The following ZNF287 variants were observed in gnomAD, a reference collection of about 807,000 sequenced individuals.
ZNF287 encodes zinc finger protein 287, also known as zinc finger protein with KRAB and SCAN domains 13.
A neutral mutation model predicts 73.7 loss-of-function variants in ZNF287; 31 were observed. The ratio of observed to expected loss-of-function variants is 0.42; its 90% confidence interval spans 0.32 to 0.57. The LOEUF (loss-of-function observed/expected upper bound fraction) is 0.57, where lower values mean the gene tolerates loss of function less well. ZNF287 is among the 20% of genes least tolerant of loss of function. ZNF287 has a pLI of 0.13. For synonymous variants in ZNF287, 301 were observed against 307.2 expected (o/e 0.98, Z 0.21); for missense variants, 641 against 909.3 (o/e 0.70, Z 3.79).
Position 16,551,739 on chromosome 17 carries a change from G to T in ZNF287, c.*117C>A. 2 of 1,082,862 alleles carry T rather than the reference G, an allele frequency of 1.8e-6. No individual in the cohort carries two copies. Among genetic ancestry groups the T allele is most frequent in the Non-Finnish European group, 2.7e-6 (2 of 748,766 alleles). 67.1% of individuals were successfully genotyped at this position (1,082,862 alleles called of 1,614,324 possible). Reference sequence around the variant, plus strand: ...CCATACCACTACTTCTGATACTTCTGCTGAGTATCTAACATATTGCACTTC... The same window carrying T: ...CCATACCACTACTTCTGATACTTCTTCTGAGTATCTAACATATTGCACTTC... On this transcript the variant is annotated 3_prime_UTR_variant, in exon 6 of 6. Coordinates refer to ENST00000395825, the MANE Select transcript of ZNF287 (RefSeq NM_020653.4).
chr17:16,567,872 G>C lies in ZNF287; in HGVS notation c.-141C>G, dbSNP rs919109874. 2.1e-5 allele frequency: 30 copies of C among 1,444,804 alleles called. 1 individual carries two copies. In the African/African-American group the frequency reaches 4.3e-4, roughly 21 times the overall value. The allele number at this position is 1,444,804 out of a possible 1,614,324, so 89.5% of individuals were successfully genotyped here. On this transcript the variant is annotated 5_prime_UTR_variant, in exon 2 of 6. Transcript: ENST00000395825. ...GAGGGCAGAACAGAATCAAGGTAGAGTTAGCAGCCTTAGTGACAAATTCTG... is the reference window on the plus strand; with the variant it reads ...GAGGGCAGAACAGAATCAAGGTAGACTTAGCAGCCTTAGTGACAAATTCTG...
intron 5 of ZNF287, among the ~76,000 whole-genome samples, chr17:16,556,276 A>T (rs970305414): frequency 5.9e-5 from 9 of 152,184 alleles, no homozygotes; most frequent in Admixed American, 3.9e-4. Context: ...TGAATTTACA[A>T]ATTACTTTTT....
At chr17:16,567,025 G>A (rs1193692383) in intron 2 of ZNF287, among the ~76,000 whole-genome samples, 1 of 152,074 alleles carries the variant, frequency 6.6e-6, no homozygotes, top group Non-Finnish European at 1.5e-5. Flanking sequence ...TACTTTCTGA[G>A]GGCTCACACA....
In ZNF287 at chr17:16,551,679, T is replaced by C. The variant is rs1042527280; in HGVS notation, c.*177A>G. 3 of 577,928 alleles carry C rather than the reference T, an allele frequency of 5.2e-6. No homozygotes were observed. Among genetic ancestry groups the C allele is most frequent in the Non-Finnish European group, 5.6e-6 (2 of 354,034 alleles). 35.8% of individuals were successfully genotyped at this position (577,928 alleles called of 1,614,324 possible). On this transcript the variant is annotated 3_prime_UTR_variant, in exon 6 of 6. Coordinates refer to ENST00000395825, the MANE Select transcript of ZNF287 (RefSeq NM_020653.4). ...TTAAGGTTAAGAAGTCAAGTTTCCT[T>C]CTTAAATTTCACATTAAATCTAAAT...
At chr17:16,565,915 AG>A (rs1907716669) in intron 3 of ZNF287, among the ~76,000 whole-genome samples, 1 of 152,188 alleles carries the variant, frequency 6.6e-6, no homozygotes, top group African/African-American at 2.4e-5. Context: ...TGAACCCAGG[AG>A]GTGGAGGCTG....
chr17:16,563,110 A>T, intron 5 of ZNF287, 36 bp downstream of exon 5: 1 of 1,478,526 alleles, frequency 6.8e-7, no homozygotes, highest in Non-Finnish European at 9.4e-7. Flanking sequence ...ATAGATTCTT[A>T]AATACAAAGA....
chr17:16,563,086 A>T, intron 5 of ZNF287, 60 bp downstream of exon 5: 1 of 1,328,876 alleles, frequency 7.5e-7, no homozygotes, highest in Non-Finnish European at 1.1e-6. Flanking sequence ...TGCATTTCTC[A>T]CCACATTTAG....
At chr17:16,561,998 T>C (rs1907477996) in intron 5 of ZNF287, among the ~76,000 whole-genome samples, 1 of 152,214 alleles carries the variant, frequency 6.6e-6, no homozygotes. Flanking sequence ...AGGGGTTGTC[T>C]TGATGTCTAT....
rs1351729606 is a variant in ZNF287, at chr17:16,550,629, C to T, written c.*1227G>A. 1.3e-5 allele frequency among the ~76,000 whole-genome samples: 2 copies of T among 152,196 alleles called. No homozygotes were observed. The highest frequency in any genetic ancestry group is 2.9e-5 in the Non-Finnish European group (2 of 68,028). On this transcript the variant is annotated 3_prime_UTR_variant, in exon 6 of 6. Coordinates refer to ENST00000395825, the MANE Select transcript of ZNF287 (RefSeq NM_020653.4). ...TGACAAAATATCACATCCTCACTTT[C>T]TCATCACTCTAGAAATCTTTCTGTT...
intron 5 of ZNF287, among the ~76,000 whole-genome samples, chr17:16,561,673 T>TA (rs1441780978): frequency 1.3e-5 from 2 of 152,102 alleles, no homozygotes; most frequent in Non-Finnish European, 2.9e-5. Flanking sequence ...TGTAGGTCAT[T>TA]AAAAAAACTG....
intron 5 of ZNF287, among the ~76,000 whole-genome samples, chr17:16,554,957 T>C (rs1438426332): frequency 6.7e-6 from 1 of 149,228 alleles, no homozygotes; most frequent in East Asian, 1.9e-4. Flanking sequence ...GGTTGAATTA[T>C]GTAGGAAATT....
chr17:16,563,102 A>C, intron 5 of ZNF287, 44 bp downstream of exon 5: 1 of 1,423,554 alleles, frequency 7.0e-7, no homozygotes, highest in East Asian at 2.3e-5. Context: ...TTTAGGATAT[A>C]GATTCTTAAA....
chr17:16,557,520 C>A (rs1324364844), intron 5 of ZNF287, among the ~76,000 whole-genome samples: 2 of 152,134 alleles, frequency 1.3e-5, no homozygotes, highest in Admixed American at 6.5e-5. Flanking sequence ...TGAAGTGTGA[C>A]TAACCTACTT....
chr17:16,556,786 T>C (rs1466737850), intron 5 of ZNF287, among the ~76,000 whole-genome samples: 1 of 152,080 alleles, frequency 6.6e-6, no homozygotes, highest in Non-Finnish European at 1.5e-5. Flanking sequence ...ACTAAAGTTA[T>C]AATTAACAAA....
chr17:16,560,872 G>T (rs1158476876), intron 5 of ZNF287, among the ~76,000 whole-genome samples: 1 of 150,972 alleles, frequency 6.6e-6, no homozygotes. Context: ...GTGTAGTGGC[G>T]GGTGCCTGTC....
intron 5 of ZNF287, among the ~76,000 whole-genome samples, chr17:16,561,897 G>C (rs568715915): frequency 1.3e-5 from 2 of 152,278 alleles, no homozygotes; most frequent in South Asian, 4.1e-4. Context: ...CTATACATTT[G>C]ATGACACTAT....
In ZNF287 at chr17:16,549,854, A is replaced by C. The variant is rs1906530507; in HGVS notation, c.*2002T>G. On this transcript the variant is annotated 3_prime_UTR_variant, in exon 6 of 6. Transcript: ENST00000395825. Reference sequence around the variant, plus strand: ...ACGATTTTTAAGCAGTTCCCAAGTAAATGTTATTTGTTGAACATTTCTTTG... The same window carrying C: ...ACGATTTTTAAGCAGTTCCCAAGTACATGTTATTTGTTGAACATTTCTTTG... Among the ~76,000 whole-genome samples the C allele has an allele frequency of 6.6e-6, 1 of 152,206 alleles. No individual in the cohort carries two copies. Among genetic ancestry groups the C allele is most frequent in the Admixed American group, 6.5e-5 (1 of 15,284 alleles).
Position 16,552,669 on chromosome 17 carries a change from A to G in ZNF287, c.1473T>C (p.His491=), listed in dbSNP as rs1307995345. Residue 491 remains histidine, a synonymous_variant, in exon 6 of 6, where the codon CAT becomes CAC. Coordinates refer to ENST00000395825, the MANE Select transcript of ZNF287 (RefSeq NM_020653.4). This position sits in a 1 kb window ranked among gnomAD's most constrained non-coding sequence, Gnocchi z 6.5. ...TCTGATGATTAATCAGTGATGAACT[A>G]TGACTGAAGGTTTTACCACATTCCA... ...KCLECGKTFS[H]SSSLINHQRV... 1.9e-6 allele frequency: 3 copies of G among 1,613,788 alleles called. No homozygotes were observed. Among genetic ancestry groups the G allele is most frequent in the East Asian group, 2.2e-5 (1 of 44,846 alleles).
At chr17:16,565,609 A>C (rs77936834) in intron 3 of ZNF287, among the ~76,000 whole-genome samples, 1 of 152,052 alleles carries the variant, frequency 6.6e-6, no homozygotes, top group Admixed American at 6.6e-5. Context: ...GGTTACCAAA[A>C]GCTTTCCAAT....
Sources: gnomAD v4.1 joint callset for allele counts (sites outside exome capture counted in the v4.1 genomes callset) on GRCh38, gnomAD v4.1.1 for gene constraint, Gnocchi (gnomAD v3.1) non-coding constraint, MANE v1.5 for transcripts, NCBI Gene and HGNC (gene_info 2026-07-23, HGNC 2026-07-21) for gene names.